Variants in LPXN observed in about 807,000 individuals in gnomAD.
LPXN encodes leupaxin.
A neutral mutation model predicts 45.6 loss-of-function variants in LPXN; 28 were observed. That is an observed-to-expected ratio of 0.61 (90% CI 0.45 to 0.84). LPXN has a LOEUF of 0.84. Among genes scored for constraint, LPXN ranks in the 40% least tolerant of loss-of-function variants. The pLI, the probability that LPXN is intolerant of heterozygous loss-of-function variation, is 0.00. For synonymous variants in LPXN, 166 were observed against 169.9 expected (o/e 0.98, Z 0.18); for missense variants, 459 against 475.0 (o/e 0.97, Z 0.31).
Position 58,529,395 on chromosome 11 carries a change from G to A in LPXN, c.743-1204C>T, listed in dbSNP as rs376393811. ...GGAGGCCGAGGCGGGTGGATCACGA[G>A]GTCAGGAGATCGAGACCATCCTGGC... On this transcript the variant is annotated intron_variant, in intron 7 of 8. Coordinates refer to ENST00000395074, the MANE Select transcript of LPXN (RefSeq NM_004811.3). 7.2e-5 allele frequency among the ~76,000 whole-genome samples: 11 copies of A among 152,200 alleles called. No homozygotes were observed. The South Asian group carries it at 1.2e-3, about 17-fold the overall frequency.
chr11:58,555,581 A>G (rs1416470420), intron 3 of LPXN, among the ~76,000 whole-genome samples: 2 of 152,208 alleles, frequency 1.3e-5, no homozygotes, highest in Non-Finnish European at 1.5e-5. Context: ...TAAATTTTTA[A>G]AAGTACATCA....
intron 3 of LPXN, among the ~76,000 whole-genome samples, chr11:58,560,742 A>T (rs926032976): frequency 6.6e-6 from 1 of 152,212 alleles, no homozygotes; most frequent in East Asian, 1.9e-4. Context: ...ACTTTTTTGT[A>T]CATAATACAG....
At chr11:58,535,215 CA>C (rs1565185517) in intron 7 of LPXN, among the ~76,000 whole-genome samples, 1 of 151,944 alleles carries the variant, frequency 6.6e-6, no homozygotes, top group Non-Finnish European at 1.5e-5. Flanking sequence ...AGAGACACAA[CA>C]AAAAAAGAAA....
chr11:58,578,627 G>A (rs923541814), upstream of LPXN, among the ~76,000 whole-genome samples: 1 of 152,192 alleles, frequency 6.6e-6, no homozygotes, highest in African/African-American at 2.4e-5. Context: ...AGGAAAGTGG[G>A]GTAGGGTGGA....
chr11:58,562,921 CCAAGGGGT>C (rs1854421495), intron 3 of LPXN, among the ~76,000 whole-genome samples: 1 of 152,084 alleles, frequency 6.6e-6, no homozygotes, highest in Non-Finnish European at 1.5e-5. Context: ...CCTGGAAAAC[CCAAGGGGT>C]CAGCTCCCCT....
At chr11:58,576,462 T>A (rs1854894732), upstream of LPXN, among the ~76,000 whole-genome samples, 1 of 152,162 alleles carries the variant, frequency 6.6e-6, no homozygotes, top group African/African-American at 2.4e-5. Flanking sequence ...ACTGTGTGCA[T>A]CTCAATTAAG....
At chr11:58,576,650 T>G (rs936551611), upstream of LPXN, among the ~76,000 whole-genome samples, 1 of 152,218 alleles carries the variant, frequency 6.6e-6, no homozygotes, top group Non-Finnish European at 1.5e-5. Context: ...TGAAATAGAT[T>G]TTTTCCCCCT....
intron 3 of LPXN, 137 bp from the exon 4 acceptor site, chr11:58,555,077 T>A (rs545524064): frequency 4.9e-4 from 289 of 586,184 alleles, no homozygotes; most frequent in Non-Finnish European, 8.3e-4. Flanking sequence ...GGGGGTATTT[T>A]AAAAATATAT....
At chr11:58,571,952 C>T (rs977339021) in intron 1 of LPXN, among the ~76,000 whole-genome samples, 1 of 152,142 alleles carries the variant, frequency 6.6e-6, no homozygotes, top group African/African-American at 2.4e-5. Context: ...TTCCAGTCTC[C>T]TGTCTTATAT....
intron 3 of LPXN, among the ~76,000 whole-genome samples, chr11:58,555,614 G>C (rs1412543568): frequency 6.6e-6 from 1 of 152,012 alleles, no homozygotes; most frequent in Non-Finnish European, 1.5e-5. Flanking sequence ...TCTTAGATTG[G>C]AGTGAATAGA....
intron 1 of LPXN, among the ~76,000 whole-genome samples, chr11:58,574,239 C>T (rs920443928): frequency 6.6e-6 from 1 of 152,168 alleles, no homozygotes; most frequent in Non-Finnish European, 1.5e-5. Context: ...TTAGCCTGCT[C>T]AGGAGATGCA....
At chr11:58,531,683 A>G (rs948375437) in intron 7 of LPXN, among the ~76,000 whole-genome samples, 3 of 152,222 alleles carry the variant, frequency 2.0e-5, no homozygotes, top group African/African-American at 7.2e-5. Flanking sequence ...ACAGGCCAAC[A>G]TTCAAATTCA....
At chr11:58,541,219 C>T (rs1026586678) in intron 7 of LPXN, among the ~76,000 whole-genome samples, 6 of 152,116 alleles carry the variant, frequency 3.9e-5, no homozygotes, top group African/African-American at 1.4e-4. Context: ...AGCTTCTGCA[C>T]AGCAAAAGAA....
upstream of LPXN, chr11:58,578,133 T>C (rs1854964602): frequency 1.3e-6 from 2 of 1,485,576 alleles, no homozygotes; most frequent in East Asian, 2.6e-5. Flanking sequence ...CCGAGAAAGG[T>C]ACGCCAACGC....
intron 1 of LPXN, among the ~76,000 whole-genome samples, chr11:58,572,219 C>A (rs1322225624): frequency 1.1e-4 from 16 of 151,088 alleles, no homozygotes; most frequent in Non-Finnish European, 1.9e-4. Flanking sequence ...AAAAAAAAAA[C>A]AGATTTTTCA....
At chr11:58,552,545 T>C (rs1806894568) in intron 4 of LPXN, among the ~76,000 whole-genome samples, 1 of 152,220 alleles carries the variant, frequency 6.6e-6, no homozygotes, top group African/African-American at 2.4e-5. Context: ...ATTTCATCTT[T>C]TATTAATACT....
At chr11:58,553,172 C>T (rs1218839084) in intron 4 of LPXN, among the ~76,000 whole-genome samples, 30 of 151,824 alleles carry the variant, frequency 2.0e-4, no homozygotes, top group Admixed American at 2.0e-3. Context: ...CTCGTCTCTA[C>T]TAAAAATACA....
chr11:58,554,703 C>T, intron 4 of LPXN, 138 bp downstream of exon 4: 1 of 569,360 alleles, frequency 1.8e-6, no homozygotes. Flanking sequence ...CTGAAAAAAG[C>T]AATGACAACT....
At chr11:58,560,799 CTG>C (rs1338251164) in intron 3 of LPXN, among the ~76,000 whole-genome samples, 1 of 152,142 alleles carries the variant, frequency 6.6e-6, no homozygotes, top group East Asian at 1.9e-4. Flanking sequence ...AAAGTTTGTG[CTG>C]TGTGTCCTGA....
Sources: gnomAD v4.1 joint callset for allele counts (sites outside exome capture counted in the v4.1 genomes callset) on GRCh38, gnomAD v4.1.1 for gene constraint, MANE v1.5 for transcripts, NCBI Gene and HGNC (gene_info 2026-07-23, HGNC 2026-07-21) for gene names.